Variants in DERA observed in about 807,000 individuals in gnomAD.
DERA encodes 2-deoxy-D-ribose 5-phosphate aldolase.
DERA carries 15 observed loss-of-function variants against 41.1 expected under a neutral mutation model. That is an observed-to-expected ratio of 0.37 (90% confidence interval 0.24 to 0.56). DERA has a LOEUF of 0.56. DERA is among the 20% of genes least tolerant of loss of function. The pLI, the probability that DERA is intolerant of heterozygous loss-of-function variation, is 0.81. For missense variants in DERA, 396 were observed against 403.4 expected (o/e 0.98, Z 0.16); for synonymous variants, 139 against 137.4 (o/e 1.01, Z -0.08).
intron 1 of DERA, among the ~76,000 whole-genome samples, chr12:15,945,595 G>T (rs143511212): frequency 0.018 from 2,728 of 152,326 alleles, 91 homozygotes; most frequent in African/African-American, 0.062. Context: ...AGACTTTGCT[G>T]AAGTTGCTTA....
Position 16,003,341 on chromosome 12 carries a change from C to A in DERA, c.637+20905C>A, listed in dbSNP as rs184377686. ...TATTGACTAATTATATCTGCAAGCA[C>A]CCAGGTTCCAAATAAGGTCACATTC... On this transcript the variant is annotated intron_variant, in intron 6 of 8. Coordinates refer to ENST00000428559, the MANE Select transcript of DERA (RefSeq NM_015954.4). This position sits in a 1 kb window ranked among gnomAD's most constrained non-coding sequence, Gnocchi z 4.8. Among the ~76,000 whole-genome samples the A allele has an allele frequency of 1.3e-5, 2 of 152,294 alleles. No homozygotes were observed. Among genetic ancestry groups the A allele is most frequent in the African/African-American group, 4.8e-5 (2 of 41,552 alleles).
At chr12:15,945,850 T>C (rs1235991358) in intron 1 of DERA, among the ~76,000 whole-genome samples, 1 of 152,218 alleles carries the variant, frequency 6.6e-6, no homozygotes, top group Non-Finnish European at 1.5e-5. Flanking sequence ...GCATTCAGTA[T>C]GATATTGGCT....
At chr12:15,991,967 CA>C (rs1350067286) in intron 6 of DERA, among the ~76,000 whole-genome samples, 1 of 152,016 alleles carries the variant, frequency 6.6e-6, no homozygotes, top group African/African-American at 2.4e-5. Context: ...ATTGATTATG[CA>C]AAGGCAGAAT....
intron 1 of DERA, among the ~76,000 whole-genome samples, chr12:15,949,873 G>A (rs1310352833): frequency 1.3e-5 from 2 of 152,212 alleles, no homozygotes; most frequent in Middle Eastern, 3.4e-3. Flanking sequence ...TAAAAATGCC[G>A]GTTGCCACTG....
intron 1 of DERA, among the ~76,000 whole-genome samples, chr12:15,914,523 T>C (rs976858684): frequency 6.6e-6 from 1 of 152,188 alleles, no homozygotes; most frequent in Non-Finnish European, 1.5e-5. Context: ...CTGTGAAGCT[T>C]GGCACCTTCT....
intron 6 of DERA, among the ~76,000 whole-genome samples, chr12:16,015,620 T>G (rs1948976114): frequency 1.3e-5 from 2 of 152,186 alleles, no homozygotes; most frequent in South Asian, 4.1e-4. Context: ...CTAATACAAT[T>G]TGGTCAACCT....
In DERA at chr12:15,982,887, A is replaced by G. The variant is rs563025546; in HGVS notation, c.637+451A>G. Among the ~76,000 whole-genome samples, 2 of 152,172 alleles carry G rather than the reference A, an allele frequency of 1.3e-5. No individual in the cohort carries two copies. The highest frequency in any genetic ancestry group is 2.9e-5 in the Non-Finnish European group (2 of 68,026). On this transcript the variant is annotated intron_variant, in intron 6 of 8. Coordinates refer to ENST00000428559, the MANE Select transcript of DERA (RefSeq NM_015954.4). This position sits in a 1 kb window ranked among gnomAD's most constrained non-coding sequence, Gnocchi z 4.0. Reference sequence around the variant, plus strand: ...ATTTAGTGCAGTATCATTGATTTTTATACTTTCAAATATAAGTTGACTTAT... The same window carrying G: ...ATTTAGTGCAGTATCATTGATTTTTGTACTTTCAAATATAAGTTGACTTAT...
Position 15,966,308 on chromosome 12 carries a change from A to G in DERA, c.508+3361A>G, listed in dbSNP as rs1948622643. On this transcript the variant is annotated intron_variant, in intron 5 of 8. Transcript: ENST00000428559. This position sits in a 1 kb window ranked among gnomAD's most constrained non-coding sequence, Gnocchi z 5.1. ...GCAAAACCCTATCTCTACTAAATAT[A>G]CAAAGATTCGTTGGGCATGGTGGCA... Among the ~76,000 whole-genome samples the G allele has an allele frequency of 6.6e-6, 1 of 152,044 alleles. No homozygotes were observed. Among genetic ancestry groups the G allele is most frequent in the Admixed American group, 6.5e-5 (1 of 15,274 alleles).
At position 15,928,473 on chromosome 12, in the gene DERA, A is replaced by T. The variant is rs1948303483; in HGVS notation, c.31+17059A>T. Among the ~76,000 whole-genome samples the T allele has an allele frequency of 6.6e-6, 1 of 152,244 alleles. No individual in the cohort carries two copies. Among genetic ancestry groups the T allele is most frequent in the Admixed American group, 6.5e-5 (1 of 15,286 alleles). On this transcript the variant is annotated intron_variant, in intron 1 of 8. Coordinates refer to ENST00000428559, the MANE Select transcript of DERA (RefSeq NM_015954.4). The surrounding 1 kb of genome is among the most constrained non-coding windows in gnomAD (Gnocchi z 4.6). The stretch of plus-strand genomic sequence containing the variant: ...TTGCATTTTGGACTATATGGTGGAC[A>T]TGCCATGTGCAAATTGTGAGCACAG...
At chr12:15,952,373 A>T (rs1055479981) in intron 1 of DERA, among the ~76,000 whole-genome samples, 2 of 152,096 alleles carry the variant, frequency 1.3e-5, no homozygotes, top group Non-Finnish European at 2.9e-5. Context: ...CTGTGTACTG[A>T]TTACTTTTTT....
rs74065537 is a variant in DERA, at chr12:15,990,425, C to T, written c.637+7989C>T. 0.065 allele frequency among the ~76,000 whole-genome samples: 9,826 copies of T among 151,764 alleles called. 1,016 individuals are homozygous for T. The highest frequency in any genetic ancestry group is 0.22 in the African/African-American group (9,043 of 41,424). ...TTTGTGGTACGCTACTTTCCATGTT[C>T]TTTTTTGTTTTGTTTTGTTTTTAGT... On this transcript the variant is annotated intron_variant, in intron 6 of 8. Coordinates refer to ENST00000428559, the MANE Select transcript of DERA (RefSeq NM_015954.4). This position sits in a 1 kb window ranked among gnomAD's most constrained non-coding sequence, Gnocchi z 4.3.
At position 16,036,873 on chromosome 12, in the gene DERA, C is replaced by G; in HGVS notation, c.*127C>G. The G allele has an allele frequency of 1.4e-6, 1 of 700,954 alleles. No individual in the cohort carries two copies. The highest frequency in any genetic ancestry group is 2.4e-6 in the Non-Finnish European group (1 of 411,518). 43.4% of individuals were successfully genotyped at this position (700,954 alleles called of 1,614,324 possible). A position where few individuals can be genotyped will look rare whatever the true frequency, so the allele number is the denominator to read the frequency against. On this transcript the variant is annotated 3_prime_UTR_variant, in exon 9 of 9. Transcript: ENST00000428559. This position sits in a 1 kb window ranked among gnomAD's most constrained non-coding sequence, Gnocchi z 4.9. Reference sequence around the variant, plus strand: ...ACTGGCATTCCTCTCTTTAAAATTTCTACCGAACTTAATGGAATGGAAAAA... The same window carrying G: ...ACTGGCATTCCTCTCTTTAAAATTTGTACCGAACTTAATGGAATGGAAAAA...
chr12:15,914,317 G>C (rs960508249), intron 1 of DERA, among the ~76,000 whole-genome samples: 2 of 151,792 alleles, frequency 1.3e-5, no homozygotes, highest in African/African-American at 4.8e-5. Flanking sequence ...AGAGAGTGGA[G>C]GTTGCAGTGA....
At chr12:16,028,609 C>T (rs761283128) in intron 6 of DERA, among the ~76,000 whole-genome samples, 4 of 151,944 alleles carry the variant, frequency 2.6e-5, no homozygotes, top group Admixed American at 6.5e-5. Context: ...GTGGAGAAAC[C>T]GAGCCAACAC....
chr12:15,932,850 G>A (rs555034732), intron 1 of DERA, among the ~76,000 whole-genome samples: 16 of 151,122 alleles, frequency 1.1e-4, no homozygotes, highest in Non-Finnish European at 2.1e-4. Context: ...CTCCCCAGTC[G>A]TCTCTCTCCA....
In DERA at chr12:16,026,248, C is replaced by T. The variant is rs1239509602; in HGVS notation, c.638-6294C>T. On this transcript the variant is annotated intron_variant, in intron 6 of 8. Coordinates refer to ENST00000428559, the MANE Select transcript of DERA (RefSeq NM_015954.4). This position sits in a 1 kb window ranked among gnomAD's most constrained non-coding sequence, Gnocchi z 4.4. Reference sequence around the variant, plus strand: ...TTTTTTTTTTTAAATATCCTAAAAGCTACTTTTTTTTTTCTCCCCCCGTAA... The same window carrying T: ...TTTTTTTTTTTAAATATCCTAAAAGTTACTTTTTTTTTTCTCCCCCCGTAA... Among the ~76,000 whole-genome samples, 1 of 150,960 alleles carries T rather than the reference C, an allele frequency of 6.6e-6. No homozygotes were observed. Among genetic ancestry groups the T allele is most frequent in the Non-Finnish European group, 1.5e-5 (1 of 67,732 alleles).
chr12:16,030,683 T>G (rs1422575984), intron 6 of DERA, among the ~76,000 whole-genome samples: 1 of 152,226 alleles, frequency 6.6e-6, no homozygotes, highest in Non-Finnish European at 1.5e-5. Context: ...TCTATCTCAT[T>G]ACATTGTATT....
chr12:16,006,965 A>G (rs182522311), intron 6 of DERA, among the ~76,000 whole-genome samples: 1 of 152,326 alleles, frequency 6.6e-6, no homozygotes, highest in East Asian at 1.9e-4. Context: ...AGTGTCATGT[A>G]ACTGCTTTAG....
rs1212517872 is a variant in DERA, at chr12:15,928,087, T to C, written c.31+16673T>C. On this transcript the variant is annotated intron_variant, in intron 1 of 8. Coordinates refer to ENST00000428559, the MANE Select transcript of DERA (RefSeq NM_015954.4). This position sits in a 1 kb window ranked among gnomAD's most constrained non-coding sequence, Gnocchi z 4.6. ...GATACATGTATACAATGTGAAATGA[T>C]TAAATCAAGCTGAGTGACTTCATCA... is the stretch of plus-strand genomic sequence containing the variant. Among the ~76,000 whole-genome samples the C allele has an allele frequency of 6.6e-6, 1 of 152,242 alleles. No individual in the cohort carries two copies. The highest frequency in any genetic ancestry group is 1.5e-5 in the Non-Finnish European group (1 of 68,036).
Sources: gnomAD v4.1 joint callset for allele counts (sites outside exome capture counted in the v4.1 genomes callset) on GRCh38, gnomAD v4.1.1 for gene constraint, Gnocchi (gnomAD v3.1) non-coding constraint, MANE v1.5 for transcripts, NCBI Gene and HGNC (gene_info 2026-07-23, HGNC 2026-07-21) for gene names.